PRSS16: variants seen among roughly 807,000 people sequenced by gnomAD.
PRSS16 encodes thymus-specific serine protease.
Under a neutral mutation model 61.7 loss-of-function variants are expected in PRSS16, and 43 were observed. That is an observed-to-expected ratio of 0.70 (90% CI 0.55 to 0.90). PRSS16 has a LOEUF of 0.90. PRSS16 is among the 40% of genes least tolerant of loss of function. The pLI, the probability that PRSS16 is intolerant of heterozygous loss-of-function variation, is 0.00. For missense variants in PRSS16, 591 were observed against 659.1 expected (o/e 0.90, Z 1.13); for synonymous variants, 273 against 285.2 (o/e 0.96, Z 0.43).
At chr6:27,248,244 C>T (rs976842438) in intron 2 of PRSS16, among the ~76,000 whole-genome samples, 196 bp downstream of exon 2, 1 of 151,798 alleles carries the variant, frequency 6.6e-6, no homozygotes. Context: ...CTCCTCTCCT[C>T]GGGGTCCCAC....
chr6:27,250,831 TG>T, intron 5 of PRSS16, 25 bp downstream of exon 5: 4 of 1,591,526 alleles, frequency 2.5e-6, no homozygotes, highest in Non-Finnish European at 1.7e-6. Flanking sequence ...CCGGGTGGGC[TG>T]GGGGGAGGGA....
Position 27,252,151 on chromosome 6 carries a change from A to G in PRSS16, c.1008+111A>G. On this transcript the variant is annotated intron_variant, in intron 8 of 11. Coordinates refer to ENST00000230582, the MANE Select transcript of PRSS16 (RefSeq NM_005865.4). The surrounding 1 kb of genome is among the most constrained non-coding windows in gnomAD (Gnocchi z 4.2). ...ACCTTCTCTGAAACTTCGTTTTCTC[A>G]TCTGTAAAATGGGGATAACACTTCA... 7.8e-7 allele frequency: 1 copy of G among 1,281,708 alleles called. No individual in the cohort carries two copies. The allele number at this position is 1,281,708 out of a possible 1,614,324, so 79.4% of individuals were successfully genotyped here.
rs774329944 is a variant in PRSS16, at chr6:27,247,883, C to G, written c.72C>G (p.Ala24=). Residue 24 remains alanine (A), a splice_region_variant and synonymous_variant, in exon 2 of 12, where the codon GCC becomes GCG. Coordinates refer to ENST00000230582, the MANE Select transcript of PRSS16 (RefSeq NM_005865.4). ...CTTCCTTCCCTCCATGTCCCACAGC[C>G]TCCCTTCTTAGGCGCCTGGGTGAGC... ...LVSLWGLLAP[A]SLLRRLGEHI... 1 of 1,610,132 alleles carries G rather than the reference C, an allele frequency of 6.2e-7. No homozygotes were observed. The highest frequency in any genetic ancestry group is 1.3e-5 in the African/African-American group (1 of 74,802).
chr6:27,254,246 T>G (rs1427685978), intron 9 of PRSS16: 1 of 156,370 alleles, frequency 6.4e-6, no homozygotes, highest in Non-Finnish European at 1.4e-5. Flanking sequence ...AAGGGATGAA[T>G]TAATCTGATG....
chr6:27,248,813 A>G (rs770716503), intron 2 of PRSS16, 34 bp from the exon 3 acceptor site: 3 of 1,409,414 alleles, frequency 2.1e-6, no homozygotes, highest in South Asian at 2.5e-5. Context: ...GGACTCTCAC[A>G]GTGCCATTTC....
At chr6:27,249,273 T>A (rs1352166342) in intron 4 of PRSS16, 44 bp downstream of exon 4, 2 of 1,592,930 alleles carry the variant, frequency 1.3e-6, no homozygotes, top group Admixed American at 1.7e-5. Flanking sequence ...AGGACAGGAA[T>A]GTCTGTGCTT....
chr6:27,255,672 T>C lies in PRSS16; in HGVS notation c.*357T>C, dbSNP rs1760015390. The C allele has an allele frequency of 8.9e-6, 2 of 225,294 alleles. No homozygotes were observed. The highest frequency in any genetic ancestry group is 8.9e-6 in the Non-Finnish European group (1 of 112,036). 14.0% of individuals were successfully genotyped at this position (225,294 alleles called of 1,614,324 possible). ...GTTAGGGGCTTTGCTGTAAGTTTCT[T>C]TTTCTGGACTTTAGATCCTGAACCT... On this transcript the variant is annotated 3_prime_UTR_variant, in exon 12 of 12. Coordinates refer to ENST00000230582, the MANE Select transcript of PRSS16 (RefSeq NM_005865.4). The surrounding 1 kb of genome is among the most constrained non-coding windows in gnomAD (Gnocchi z 4.4).
At chr6:27,254,958 C>G in intron 10 of PRSS16, 28 bp from the exon 11 acceptor site, 2 of 1,612,682 alleles carry the variant, frequency 1.2e-6, no homozygotes, top group Non-Finnish European at 1.7e-6. Context: ...ACCCATCTAC[C>G]TAGCCCCATC....
Position 27,252,721 on chromosome 6 carries a change from TGACCTCTGGG to T in PRSS16, c.1009-83_1009-74del, listed in dbSNP as rs1310452526. On this transcript the variant is annotated intron_variant, in intron 8 of 11. Transcript: ENST00000230582. This position sits in a 1 kb window ranked among gnomAD's most constrained non-coding sequence, Gnocchi z 4.2. ...AACTCACCCTTCTATTTCTGACTTT[TGACCTCTGGG>T]GACATAGGCCTCTGCACCCTGGCTT... 2 of 1,483,292 alleles carry T rather than the reference TGACCTCTGGG, an allele frequency of 1.3e-6. No individual in the cohort carries two copies. The highest frequency in any genetic ancestry group is 2.8e-5 in the African/African-American group (2 of 72,132). The allele number at this position is 1,483,292 out of a possible 1,614,324, so 91.9% of individuals were successfully genotyped here.
chr6:27,250,893 C>G (rs1010573122), intron 5 of PRSS16, 87 bp downstream of exon 5: 11 of 1,550,424 alleles, frequency 7.1e-6, no homozygotes, highest in Non-Finnish European at 9.6e-6. Flanking sequence ...CCTCCCACCA[C>G]GCCCCTACCT....
Position 27,255,262 on chromosome 6 carries a change from C to G in PRSS16, c.1492C>G (p.Leu498Val). 1 of 1,614,090 alleles carries G rather than the reference C, an allele frequency of 6.2e-7. No homozygotes were observed. The highest frequency in any genetic ancestry group is 8.5e-7 in the Non-Finnish European group (1 of 1,179,976). ...CTCCCCACAGAACATCTTCCAGCAGCTACAGACCTGGCTCAAGCTGGCAAA... is the reference window on the plus strand; with the variant it reads ...CTCCCCACAGAACATCTTCCAGCAGGTACAGACCTGGCTCAAGCTGGCAAA... ...RLGRQNIFQQLQTWLKLAKES... is the reference protein window; with the variant it reads ...RLGRQNIFQQVQTWLKLAKES... The change falls in exon 12 of 12, where the codon CTA becomes GTA. Residue 498 changes from leucine (L) to valine (V), a missense_variant. By Grantham distance (32) the Leu-to-Val change is conservative. Coordinates refer to ENST00000230582, the MANE Select transcript of PRSS16 (RefSeq NM_005865.4). This position sits in a 1 kb window ranked among gnomAD's most constrained non-coding sequence, Gnocchi z 4.4.
At position 27,251,210 on chromosome 6, in the gene PRSS16, C is replaced by T. The variant is rs2113730958; in HGVS notation, c.670-7C>T. Reference sequence around the variant, plus strand: ...TCCGGATACCTTCCTCTGCGGTCCGCCCACAGGTGGTATCCCGAAGCCTAA... The same window carrying T: ...TCCGGATACCTTCCTCTGCGGTCCGTCCACAGGTGGTATCCCGAAGCCTAA... On this transcript the variant is annotated splice_polypyrimidine_tract_variant and splice_region_variant and intron_variant, in intron 6 of 11. Transcript: ENST00000230582. The surrounding 1 kb of genome is among the most constrained non-coding windows in gnomAD (Gnocchi z 5.6). 1.9e-6 allele frequency: 3 copies of T among 1,613,066 alleles called. No homozygotes were observed. Among genetic ancestry groups the T allele is most frequent in the Non-Finnish European group, 2.5e-6 (3 of 1,179,438 alleles).
rs1464009545 is a variant in PRSS16 at position 27,255,223 on chromosome 6, C to T, written c.1477-24C>T. 1 of 1,614,038 alleles carries T rather than the reference C, an allele frequency of 6.2e-7. No individual in the cohort carries two copies. The highest frequency in any genetic ancestry group is 8.5e-7 in the Non-Finnish European group (1 of 1,179,942). ...TCTGCTGGTGCTGAAATCTGACTTT[C>T]AAATTCTTCCCACCTCCCCACAGAA... is the stretch of plus-strand genomic sequence containing the variant. On this transcript the variant is annotated intron_variant, in intron 11 of 11. Coordinates refer to ENST00000230582, the MANE Select transcript of PRSS16 (RefSeq NM_005865.4). The surrounding 1 kb of genome is among the most constrained non-coding windows in gnomAD (Gnocchi z 4.4).
chr6:27,247,829 A>G, intron 1 of PRSS16, 22 bp downstream of exon 1: 1 of 1,613,752 alleles, frequency 6.2e-7, no homozygotes, highest in Non-Finnish European at 8.5e-7. Context: ...CTGAGGGTCA[A>G]GCAGGGCATC....
rs201197789 is a variant in PRSS16 at position 27,250,666 on chromosome 6, C to A, written c.468-17C>A. The stretch of plus-strand genomic sequence containing the variant: ...TCCCAGCGATGAGGACCGACCGAGT[C>A]CCCCCTTTGACCCTAGGCTGGCTGA... On this transcript the variant is annotated splice_polypyrimidine_tract_variant and intron_variant, in intron 4 of 11. Coordinates refer to ENST00000230582, the MANE Select transcript of PRSS16 (RefSeq NM_005865.4). 6 of 1,584,680 alleles carry A rather than the reference C, an allele frequency of 3.8e-6. No individual in the cohort carries two copies. In the Admixed American group the frequency reaches 1.1e-4, roughly 29 times the overall value.
rs1759812118 is a variant in PRSS16 at position 27,249,162 on chromosome 6, T to C, written c.400T>C (p.Tyr134His). Residue 134 changes from tyrosine to histidine, a missense_variant, in exon 4 of 12, where the codon TAT (tyrosine) becomes CAT (histidine). By Grantham distance (83) the Tyr-to-His change is moderately conservative. Transcript: ENST00000230582. ...GGTGATAAGCCTGGAACACAGATTT[T>C]ATGGCCTGAGTATACCTGCTGGAGG... ...ALVISLEHRF[Y>H]GLSIPAGGLE... 6.2e-7 allele frequency: 1 copy of C among 1,609,338 alleles called. No homozygotes were observed. Among genetic ancestry groups the C allele is most frequent in the Non-Finnish European group, 8.5e-7 (1 of 1,179,202 alleles).
chr6:27,254,653 C>A, intron 9 of PRSS16, 40 bp from the exon 10 acceptor site: 2 of 1,518,688 alleles, frequency 1.3e-6, no homozygotes, highest in South Asian at 1.1e-5. Context: ...GAGTGGTGGG[C>A]TGCCTGTATA....
rs1218373025 is a variant in PRSS16, at chr6:27,251,333, G to T, written c.717+69G>T. ...AGGCCTCGGATGCCAGGGAAGAGGAGGCCAGAGAAGGGCGAAACCTGCAAC... is the reference window on the plus strand; with the variant it reads ...AGGCCTCGGATGCCAGGGAAGAGGATGCCAGAGAAGGGCGAAACCTGCAAC... On this transcript the variant is annotated intron_variant, in intron 7 of 11. Coordinates refer to ENST00000230582, the MANE Select transcript of PRSS16 (RefSeq NM_005865.4). The surrounding 1 kb of genome is among the most constrained non-coding windows in gnomAD (Gnocchi z 5.6). The T allele has an allele frequency of 2.0e-6, 3 of 1,514,274 alleles. No individual in the cohort carries two copies. The highest frequency in any genetic ancestry group is 2.7e-6 in the Non-Finnish European group (3 of 1,132,060). The allele number at this position is 1,514,274 out of a possible 1,614,324, so 93.8% of individuals were successfully genotyped here.
At position 27,255,128 on chromosome 6, in the gene PRSS16, C is replaced by T; in HGVS notation, c.1473C>T (p.Arg491=). The change falls in exon 11 of 12, where the codon CGC becomes CGT. Residue 491 remains arginine, a synonymous_variant. Coordinates refer to ENST00000230582, the MANE Select transcript of PRSS16 (RefSeq NM_005865.4). This position sits in a 1 kb window ranked among gnomAD's most constrained non-coding sequence, Gnocchi z 4.4. ...ACTCCCCCAGCCTCCGCCTAGGGCG[C>T]CAGGTAAGAGAAAAAAGGCTCTGAA... ...PSDSPSLRLG[R]QNIFQQLQTW... 6.2e-7 allele frequency: 1 copy of T among 1,614,112 alleles called. No homozygotes were observed. The highest frequency in any genetic ancestry group is 8.5e-7 in the Non-Finnish European group (1 of 1,180,022).
Sources: allele counts gnomAD v4.1 joint callset (sites outside exome capture counted in the v4.1 genomes callset), GRCh38; gene constraint gnomAD v4.1.1; non-coding constraint Gnocchi (gnomAD v3.1); transcripts MANE v1.5; gene names NCBI Gene and HGNC (gene_info 2026-07-23, HGNC 2026-07-21).